Variants in CSMD1 observed in about 807,000 individuals in gnomAD.
CSMD1 encodes CUB and Sushi multiple domains 1.
Under a neutral mutation model 417.5 loss-of-function variants are expected in CSMD1, and 213 were observed. The observed-to-expected ratio is 0.51, with a 90% CI of 0.46 to 0.57. The LOEUF is 0.57. Among genes scored for constraint, CSMD1 ranks in the 20% least tolerant of loss-of-function variants. The pLI is 0.00. For synonymous variants in CSMD1, 2,862 were observed against 1,736.8 expected (o/e 1.65, Z -16.11); for missense variants, 6,923 against 4,529.7 (o/e 1.53, Z -15.17).
At chr8:4,238,402 C>G (rs1181520417) in intron 3 of CSMD1, among the ~76,000 whole-genome samples, 3 of 152,268 alleles carry the variant, frequency 2.0e-5, no homozygotes, top group Admixed American at 6.5e-5. Context: ...GCCCTGAGCA[C>G]ACATGGTATA....
chr8:3,407,537 G>T (rs1812430247), intron 14 of CSMD1, among the ~76,000 whole-genome samples: 1 of 151,756 alleles, frequency 6.6e-6, no homozygotes, highest in Admixed American at 6.6e-5. Flanking sequence ...ACAGATGGAT[G>T]GATGAATGGA....
At chr8:3,944,553 A>T (rs79942499) in intron 5 of CSMD1, among the ~76,000 whole-genome samples, 3,613 of 152,226 alleles carry the variant, frequency 0.024, 62 homozygotes, top group Non-Finnish European at 0.035. Flanking sequence ...ATTCAAGGAA[A>T]TTTAAATTGT....
At chr8:3,355,979 C>T (rs995551941) in intron 21 of CSMD1, among the ~76,000 whole-genome samples, 1 of 152,020 alleles carries the variant, frequency 6.6e-6, no homozygotes, top group Non-Finnish European at 1.5e-5. Context: ...TTGAAAAAAA[C>T]CCTAAAATGA....
intron 5 of CSMD1, among the ~76,000 whole-genome samples, chr8:3,789,484 A>AAAGGAAT (rs1797721847): frequency 1.3e-5 from 2 of 150,120 alleles, no homozygotes; most frequent in African/African-American, 4.9e-5. Flanking sequence ...TTTAACAGGA[A>AAAGGAAT]AAGGAATACA....
chr8:3,367,746 T>C (rs1007718676), intron 19 of CSMD1, among the ~76,000 whole-genome samples: 2 of 152,150 alleles, frequency 1.3e-5, no homozygotes, highest in Non-Finnish European at 2.9e-5. Flanking sequence ...AATATGGAGA[T>C]TATAGATGTA....
intron 8 of CSMD1, among the ~76,000 whole-genome samples, chr8:3,614,709 T>C (rs1244798142): frequency 3.3e-5 from 5 of 152,324 alleles, no homozygotes; most frequent in African/African-American, 1.2e-4. Flanking sequence ...GGATACAAGA[T>C]GGGCAGTTCC....
intron 49 of CSMD1, among the ~76,000 whole-genome samples, chr8:3,058,174 A>G (rs1281126629): frequency 1.3e-5 from 2 of 152,160 alleles, no homozygotes; most frequent in Non-Finnish European, 2.9e-5. Flanking sequence ...ACTGTTTGTA[A>G]TTTAGCAAAT....
chr8:3,333,229 G>C (rs939535862), intron 23 of CSMD1, among the ~76,000 whole-genome samples: 1 of 152,164 alleles, frequency 6.6e-6, no homozygotes, highest in Admixed American at 6.5e-5. Context: ...GAGACCCTGA[G>C]AGAAGACCCA....
intron 3 of CSMD1, among the ~76,000 whole-genome samples, chr8:4,107,051 C>G (rs114955563): frequency 5.9e-4 from 90 of 152,248 alleles, no homozygotes; most frequent in African/African-American, 2.1e-3. Context: ...CGCGGCACAT[C>G]TCCAAGCAGG....
At chr8:3,131,514 C>T (rs1386622051) in intron 41 of CSMD1, among the ~76,000 whole-genome samples, 2 of 146,090 alleles carry the variant, frequency 1.4e-5, no homozygotes, top group African/African-American at 5.1e-5. Flanking sequence ...CTCTATTGCT[C>T]AGGCTAAAGT....
At chr8:3,804,684 G>C (rs1800632593) in intron 5 of CSMD1, among the ~76,000 whole-genome samples, 1 of 152,128 alleles carries the variant, frequency 6.6e-6, no homozygotes, top group Non-Finnish European at 1.5e-5. Context: ...AGAGAAATGT[G>C]AGTAGGAAGA....
At chr8:4,863,382 T>C (rs775454123) in intron 1 of CSMD1, among the ~76,000 whole-genome samples, 4 of 152,116 alleles carry the variant, frequency 2.6e-5, no homozygotes, top group Non-Finnish European at 5.9e-5. Context: ...ATGCAAGCCT[T>C]AAGTAAAGAG....
At chr8:4,004,492 G>C (rs1228494697) in intron 4 of CSMD1, among the ~76,000 whole-genome samples, 3 of 150,550 alleles carry the variant, frequency 2.0e-5, no homozygotes, top group East Asian at 1.9e-4. Flanking sequence ...TTATATATCT[G>C]GATTTTTGTG....
chr8:4,837,561 C>A (rs1350304), intron 1 of CSMD1, among the ~76,000 whole-genome samples: 126,759 of 152,066 alleles, frequency 0.83, 55,410 homozygotes, highest in East Asian at 0.98. Flanking sequence ...AAAATCAAAA[C>A]AATTAAGCTC....
intron 7 of CSMD1, among the ~76,000 whole-genome samples, chr8:3,651,264 A>G (rs979722508): frequency 6.6e-6 from 1 of 152,136 alleles, no homozygotes; most frequent in African/African-American, 2.4e-5. Flanking sequence ...GAAACACCTC[A>G]AAGGATTCCA....
At chr8:4,187,189 T>C (rs1798731252) in intron 3 of CSMD1, among the ~76,000 whole-genome samples, 4 of 152,120 alleles carry the variant, frequency 2.6e-5, no homozygotes, top group Admixed American at 2.6e-4. Flanking sequence ...TAAAACAATC[T>C]GGGACATTGT....
At chr8:3,502,369 A>AAAC (rs1247655669) in intron 10 of CSMD1, among the ~76,000 whole-genome samples, 2 of 151,426 alleles carry the variant, frequency 1.3e-5, no homozygotes, top group East Asian at 1.9e-4. Context: ...CATCTCAAAA[A>AAAC]AAAAAAAAAA....
intron 3 of CSMD1, among the ~76,000 whole-genome samples, chr8:4,375,255 T>C (rs531344541): frequency 8.5e-5 from 13 of 152,234 alleles, no homozygotes; most frequent in African/African-American, 2.9e-4. Flanking sequence ...AAACATGCAG[T>C]TGTCCATAAA....
At chr8:4,453,018 A>AT (rs548671574) in intron 2 of CSMD1, among the ~76,000 whole-genome samples, 104 of 152,268 alleles carry the variant, frequency 6.8e-4, no homozygotes, top group African/African-American at 2.3e-3. Flanking sequence ...GAAGAATACA[A>AT]TTTAAGGGAC....
Sources: gnomAD v4.1 joint callset for allele counts (sites outside exome capture counted in the v4.1 genomes callset) on GRCh38, gnomAD v4.1.1 for gene constraint, MANE v1.5 for transcripts, NCBI Gene and HGNC (gene_info 2026-07-23, HGNC 2026-07-21) for gene names.